CTNNA3: variants seen among roughly 807,000 people sequenced by gnomAD.
CTNNA3 encodes catenin alpha 3.
Under a neutral mutation model 95.7 loss-of-function variants are expected in CTNNA3, and 76 were observed. The ratio of observed to expected loss-of-function variants is 0.79; its 90% CI spans 0.66 to 0.96. CTNNA3 has a LOEUF of 0.96. CTNNA3 is among the 40% of genes least tolerant of loss of function. CTNNA3 has a pLI of 0.00. For missense variants in CTNNA3, 1,191 were observed against 1,089.8 expected (o/e 1.09, Z -1.31); for synonymous variants, 431 against 374.4 (o/e 1.15, Z -1.74).
Position 66,991,061 on chromosome 10 carries a change from G to A in CTNNA3, c.1047+189256C>T, listed in dbSNP as rs543131591. ...TAGTGGTACAAGTCTTACAAGACACGCTGCAGAAGAACCTTCAGAAAATAA... is the reference window on the plus strand; with the variant it reads ...TAGTGGTACAAGTCTTACAAGACACACTGCAGAAGAACCTTCAGAAAATAA... On this transcript the variant is annotated intron_variant, in intron 7 of 17. Transcript: ENST00000433211. Among the ~76,000 whole-genome samples the A allele has an allele frequency of 2.1e-4, 32 of 152,242 alleles. No homozygotes were observed. The South Asian group carries it at 5.6e-3, about 27-fold the overall frequency.
intron 11 of CTNNA3, among the ~76,000 whole-genome samples, chr10:66,381,130 C>T (rs1201260922): frequency 6.6e-6 from 1 of 152,180 alleles, no homozygotes; most frequent in Non-Finnish European, 1.5e-5. Flanking sequence ...CTTCTGAGAT[C>T]TGGCTTCTAT....
At chr10:67,631,240 A>G (rs1294126484) in intron 2 of CTNNA3, among the ~76,000 whole-genome samples, 1 of 152,222 alleles carries the variant, frequency 6.6e-6, no homozygotes, top group Non-Finnish European at 1.5e-5. Context: ...AATGATTGAA[A>G]TATATCCCAG....
intron 7 of CTNNA3, among the ~76,000 whole-genome samples, chr10:66,938,450 A>G (rs1262214423): frequency 2.6e-5 from 4 of 152,192 alleles, no homozygotes; most frequent in Non-Finnish European, 4.4e-5. Flanking sequence ...AAATGAAAAT[A>G]TTATTAAGAA....
intron 13 of CTNNA3, among the ~76,000 whole-genome samples, chr10:66,256,493 G>C (rs936423552): frequency 2.0e-5 from 3 of 149,036 alleles, no homozygotes; most frequent in Non-Finnish European, 3.0e-5. Flanking sequence ...GCCGAGGCGG[G>C]TGGATAACCT....
chr10:66,486,546 G>T (rs1839732886), intron 11 of CTNNA3, among the ~76,000 whole-genome samples: 1 of 152,100 alleles, frequency 6.6e-6, no homozygotes, highest in Non-Finnish European at 1.5e-5. Flanking sequence ...GAGATAAGAA[G>T]TATGGGCAAG....
chr10:66,792,915 T>C (rs939248690), intron 7 of CTNNA3, among the ~76,000 whole-genome samples: 1 of 152,112 alleles, frequency 6.6e-6, no homozygotes. Context: ...TGTTTTCAAT[T>C]ATGGCTTTTT....
chr10:67,392,732 A>G (rs946932868), intron 5 of CTNNA3, among the ~76,000 whole-genome samples: 6 of 152,194 alleles, frequency 3.9e-5, no homozygotes, highest in Non-Finnish European at 8.8e-5. Flanking sequence ...AGCCATAAAA[A>G]ATGATGAGTT....
intron 3 of CTNNA3, among the ~76,000 whole-genome samples, chr10:67,558,679 G>A (rs1327517264): frequency 6.6e-6 from 1 of 152,226 alleles, no homozygotes; most frequent in Non-Finnish European, 1.5e-5. Flanking sequence ...CCAAAGCAGG[G>A]CAAGCATTGC....
chr10:66,197,680 C>T (rs2087053226), intron 13 of CTNNA3, among the ~76,000 whole-genome samples: 1 of 152,058 alleles, frequency 6.6e-6, no homozygotes, highest in African/African-American at 2.4e-5. Flanking sequence ...GAAGAATGTC[C>T]TTAAGTAGAA....
intron 11 of CTNNA3, among the ~76,000 whole-genome samples, chr10:66,499,771 G>A (rs77934095): frequency 0.019 from 2,837 of 151,486 alleles, 59 homozygotes; most frequent in East Asian, 0.083. Context: ...AGAGATCTTG[G>A]GATAAATGGT....
At chr10:66,267,887 A>G (rs539445258) in intron 13 of CTNNA3, among the ~76,000 whole-genome samples, 2 of 152,176 alleles carry the variant, frequency 1.3e-5, no homozygotes, top group Admixed American at 6.6e-5. Flanking sequence ...ACATTAAAGT[A>G]TGGCAATTTA....
intron 10 of CTNNA3, among the ~76,000 whole-genome samples, chr10:66,556,495 T>C (rs1177763155): frequency 1.3e-5 from 2 of 151,988 alleles, no homozygotes; most frequent in African/African-American, 4.8e-5. Context: ...GAAATTATGA[T>C]ATATGTGTAC....
intron 7 of CTNNA3, among the ~76,000 whole-genome samples, chr10:66,822,630 CT>C (rs1273200258): frequency 2.0e-5 from 3 of 152,188 alleles, no homozygotes; most frequent in East Asian, 3.9e-4. Context: ...TAATTAAACA[CT>C]TTCAATAGTA....
intron 7 of CTNNA3, among the ~76,000 whole-genome samples, chr10:67,117,556 G>T (rs1859245294): frequency 6.6e-6 from 1 of 151,992 alleles, no homozygotes; most frequent in Non-Finnish European, 1.5e-5. Context: ...AAAGAAGACT[G>T]TAAACAAGTC....
chr10:66,749,339 C>A (rs1839038810), intron 9 of CTNNA3, among the ~76,000 whole-genome samples: 1 of 151,940 alleles, frequency 6.6e-6, no homozygotes, highest in African/African-American at 2.4e-5. Context: ...AGTTTCACTG[C>A]CCTAAAAATC....
chr10:65,946,688 G>T (rs562973229), intron 17 of CTNNA3, among the ~76,000 whole-genome samples: 12 of 152,142 alleles, frequency 7.9e-5, no homozygotes, highest in African/African-American at 2.9e-4. Flanking sequence ...CTATTCAAAT[G>T]AAAGTACTTT....
intron 10 of CTNNA3, among the ~76,000 whole-genome samples, chr10:66,559,048 T>G (rs1375680564): frequency 6.6e-6 from 1 of 152,156 alleles, no homozygotes; most frequent in East Asian, 1.9e-4. Flanking sequence ...GATTCATCTG[T>G]GACAACTCCT....
intron 7 of CTNNA3, among the ~76,000 whole-genome samples, chr10:66,888,846 T>C (rs1486573181): frequency 1.3e-5 from 2 of 152,232 alleles, no homozygotes; most frequent in Non-Finnish European, 1.5e-5. Flanking sequence ...CACCATACAA[T>C]CCAGCTACTG....
Position 67,686,297 on chromosome 10 carries a change from C to T in CTNNA3, c.-6+9703G>A, listed in dbSNP as rs530419385. ...TTAGTTTCAAGTACTGTTACTATGG[C>T]ATAACCTGCCCTTCGTATCCCATTC... On this transcript the variant is annotated intron_variant, in intron 1 of 17. Transcript: ENST00000433211. Among the ~76,000 whole-genome samples the T allele has an allele frequency of 5.4e-4, 82 of 152,354 alleles. 1 individual carries two copies. The highest frequency in any genetic ancestry group is 1.9e-3 in the African/African-American group (78 of 41,580).
Sources: allele counts gnomAD v4.1 joint callset (sites outside exome capture counted in the v4.1 genomes callset), GRCh38; gene constraint gnomAD v4.1.1; transcripts MANE v1.5; gene names NCBI Gene and HGNC (gene_info 2026-07-23, HGNC 2026-07-21).